FBXO42: variants seen among roughly 807,000 people sequenced by gnomAD.
FBXO42 encodes F-box protein 42.
FBXO42 carries 12 observed loss-of-function variants against 71.7 expected under a neutral mutation model. The observed-to-expected ratio is 0.17, with a 90% CI of 0.11 to 0.27. The LOEUF is 0.27. FBXO42 is among the 10% of genes least tolerant of loss of function. FBXO42 has a pLI of 1.00. For synonymous variants in FBXO42, 325 were observed against 327.5 expected (o/e 0.99, Z 0.08); for missense variants, 707 against 911.9 (o/e 0.78, Z 2.89).
At chr1:16,335,420 G>C (rs2082543843) in intron 1 of FBXO42, among the ~76,000 whole-genome samples, 2 of 152,182 alleles carry the variant, frequency 1.3e-5, no homozygotes, top group Non-Finnish European at 2.9e-5. Flanking sequence ...TTACAGGTGT[G>C]AGACACCATG....
intron 3 of FBXO42, among the ~76,000 whole-genome samples, 171 bp from the exon 4 acceptor site, chr1:16,295,088 T>C (rs984877466): frequency 5.3e-5 from 8 of 152,202 alleles, no homozygotes; most frequent in Non-Finnish European, 2.9e-5. Context: ...ATATTACCCT[T>C]TAAAACAAGG....
At chr1:16,261,210 C>A (rs936269254) in intron 4 of FBXO42, among the ~76,000 whole-genome samples, 8 of 152,126 alleles carry the variant, frequency 5.3e-5, no homozygotes, top group Non-Finnish European at 1.2e-4. Context: ...ATTCTTAGAA[C>A]CTCTTTTTCT....
intron 2 of FBXO42, among the ~76,000 whole-genome samples, chr1:16,313,748 T>G (rs2082338388): frequency 6.6e-6 from 1 of 152,172 alleles, no homozygotes; most frequent in Non-Finnish European, 1.5e-5. Context: ...CTCTGTTATA[T>G]CTCTGGCTGC....
rs1253753915 is a variant in FBXO42 at position 16,277,368 on chromosome 1, A to G, written c.502+17415T>C. Among the ~76,000 whole-genome samples the G allele has an allele frequency of 3.9e-5, 6 of 152,206 alleles. 1 individual carries two copies. Among genetic ancestry groups the G allele is most frequent in the South Asian group, 2.1e-4 (1 of 4,834 alleles). On this transcript the variant is annotated intron_variant, in intron 4 of 9. Transcript: ENST00000375592. The stretch of plus-strand genomic sequence containing the variant: ...CGAATAGTGACAAGCACATTAATAC[A>G]TCATTCTTTTTTTTTCTTTTTTTCT...
intron 4 of FBXO42, chr1:16,292,709 C>T (rs1407781238): frequency 6.6e-6 from 1 of 152,124 alleles, no homozygotes; most frequent in Admixed American, 6.6e-5. Flanking sequence ...AACCAGAGCT[C>T]CATTTTAACA....
chr1:16,336,006 A>G (rs368434839), intron 1 of FBXO42, among the ~76,000 whole-genome samples: 2 of 151,576 alleles, frequency 1.3e-5, no homozygotes, highest in Admixed American at 6.6e-5. Flanking sequence ...ATCTCGGCTC[A>G]TTGCAACCTC....
chr1:16,259,673 C>A (rs975358989), intron 4 of FBXO42, among the ~76,000 whole-genome samples: 2 of 146,652 alleles, frequency 1.4e-5, no homozygotes, highest in Admixed American at 7.0e-5. Context: ...GGCTGAGGCA[C>A]AAGAATTGCT....
intron 1 of FBXO42, among the ~76,000 whole-genome samples, chr1:16,347,127 T>C (rs1395910635): frequency 6.6e-6 from 1 of 152,130 alleles, no homozygotes; most frequent in Non-Finnish European, 1.5e-5. Context: ...TGTACATATA[T>C]AAATACACTT....
chr1:16,277,241 T>C (rs1454003009), intron 4 of FBXO42, among the ~76,000 whole-genome samples: 5 of 152,190 alleles, frequency 3.3e-5, no homozygotes, highest in African/African-American at 1.2e-4. Flanking sequence ...ATCCACTTCT[T>C]CCCCATTGCC....
chr1:16,286,459 A>AT (rs1253860978), intron 4 of FBXO42, among the ~76,000 whole-genome samples: 31 of 152,240 alleles, frequency 2.0e-4, no homozygotes, highest in Admixed American at 2.0e-3. Flanking sequence ...AACCATCAAT[A>AT]ACTCACTCAC....
intron 1 of FBXO42, among the ~76,000 whole-genome samples, chr1:16,342,581 C>CAA (rs58125011): frequency 1.4e-3 from 172 of 125,318 alleles, no homozygotes; most frequent in East Asian, 5.1e-3. Flanking sequence ...GATCCTGTCT[C>CAA]AAAAAAAAAA....
intron 2 of FBXO42, among the ~76,000 whole-genome samples, chr1:16,313,348 G>T (rs911579929): frequency 3.3e-5 from 5 of 149,620 alleles, no homozygotes; most frequent in Non-Finnish European, 5.9e-5. Flanking sequence ...AAGAAAGAAA[G>T]AAAGAAAGAA....
At chr1:16,297,305 G>A (rs1001967939) in intron 3 of FBXO42, among the ~76,000 whole-genome samples, 1 of 151,856 alleles carries the variant, frequency 6.6e-6, no homozygotes, top group Non-Finnish European at 1.5e-5. Context: ...GACTCTCTAC[G>A]GTAAGAAGGC....
chr1:16,308,706 TGA>T (rs1327744211), intron 2 of FBXO42, among the ~76,000 whole-genome samples: 1 of 150,998 alleles, frequency 6.6e-6, no homozygotes, highest in East Asian at 1.9e-4. Flanking sequence ...AGATGGAGGT[TGA>T]CCATGTTCTC....
intron 1 of FBXO42, among the ~76,000 whole-genome samples, chr1:16,337,985 C>T (rs942736450): frequency 3.4e-5 from 5 of 148,286 alleles, no homozygotes; most frequent in African/African-American, 5.0e-5. Context: ...ATTGGCCGGG[C>T]GCGGTGGCTC....
chr1:16,348,680 G>A (rs772072670), intron 1 of FBXO42, among the ~76,000 whole-genome samples: 3 of 152,108 alleles, frequency 2.0e-5, no homozygotes, highest in Non-Finnish European at 2.9e-5. Flanking sequence ...CAGCCTAGGC[G>A]ATAGAGCAAG....
chr1:16,275,561 G>C (rs952197469), intron 4 of FBXO42, among the ~76,000 whole-genome samples: 1 of 152,134 alleles, frequency 6.6e-6, no homozygotes, highest in Non-Finnish European at 1.5e-5. Context: ...TGAGGCTGCA[G>C]TGAGCTATGA....
intron 1 of FBXO42, among the ~76,000 whole-genome samples, chr1:16,351,998 G>T (rs1005547690): frequency 6.6e-6 from 1 of 152,134 alleles, no homozygotes; most frequent in Admixed American, 6.6e-5. Flanking sequence ...CCGGGTGAGG[G>T]GACGAGAACC....
Position 16,300,465 on chromosome 1 carries a change from G to C in FBXO42, c.367+5338C>G, listed in dbSNP as rs181089791. The stretch of plus-strand genomic sequence containing the variant: ...AGTTTCATCTTTTCCATGGTGTATG[G>C]AGCATTCAATAAATGCTCACTAAAT... On this transcript the variant is annotated intron_variant, in intron 3 of 9. Transcript: ENST00000375592. Among the ~76,000 whole-genome samples the C allele has an allele frequency of 1.1e-3, 161 of 152,264 alleles. 3 individuals are homozygous for C. The highest frequency in any genetic ancestry group is 8.5e-4 in the Non-Finnish European group (58 of 68,022).
Sources: gnomAD v4.1 joint callset for allele counts (sites outside exome capture counted in the v4.1 genomes callset) on GRCh38, gnomAD v4.1.1 for gene constraint, MANE v1.5 for transcripts, NCBI Gene and HGNC (gene_info 2026-07-23, HGNC 2026-07-21) for gene names.